CCSER1: variants seen among roughly 807,000 people sequenced by gnomAD.
The protein encoded by CCSER1 is serine-rich coiled-coil domain-containing protein 1.
Under a neutral mutation model 82.0 loss-of-function variants are expected in CCSER1, and 41 were observed. That is an observed-to-expected ratio of 0.50 (90% CI 0.39 to 0.65). CCSER1 has a LOEUF of 0.65. Ranked by LOEUF, CCSER1 falls within the 30% of genes least tolerant of loss-of-function variation. CCSER1 has a pLI of 0.00. For missense variants in CCSER1, 1,119 were observed against 1,064.2 expected, an observed-to-expected ratio of 1.05 and a Z score of -0.72; for synonymous variants, 414 against 383.9, an observed-to-expected ratio of 1.08 and a Z score of -0.92.
At chr4:90,223,749 T>TA (rs1195049906) in intron 1 of CCSER1, among the ~76,000 whole-genome samples, 15 of 152,276 alleles carry the variant, frequency 9.9e-5, no homozygotes, top group Non-Finnish European at 1.2e-4. Flanking sequence ...CAATATAACG[T>TA]AAAAAAAGTC....
At chr4:90,961,670 TTAAG>T (rs1734065465) in intron 9 of CCSER1, among the ~76,000 whole-genome samples, 1 of 152,052 alleles carries the variant, frequency 6.6e-6, no homozygotes, top group African/African-American at 2.4e-5. Context: ...TATTTTAATT[TTAAG>T]TAAGTACATT....
rs2153481118 is a variant in CCSER1, at chr4:90,312,991, G to A, written c.1453G>A (p.Val485Ile). 1 of 1,604,880 alleles carries A rather than the reference G, an allele frequency of 6.2e-7. No homozygotes were observed. The highest frequency in any genetic ancestry group is 2.2e-5 in the East Asian group (1 of 44,654). The change falls in exon 3 of 11, where the codon GTT becomes ATT. Residue 485 changes from valine to isoleucine, a missense_variant. Val to Ile is a conservative substitution (Grantham distance 29, BLOSUM62 3). Transcript: ENST00000509176. ...ACCGAAAGATGGAAATATAGAAGAA[G>A]TTAATAGTTTAAGAAAGCAAAGAGC... ...LKPKDGNIEE[V>I]NSLRKQRAGS...
chr4:91,444,566 C>T (rs903086777), intron 10 of CCSER1, among the ~76,000 whole-genome samples: 6 of 152,022 alleles, frequency 3.9e-5, no homozygotes, highest in African/African-American at 1.2e-4. Context: ...CCTCCTGCCT[C>T]GGCCTCCTGA....
intron 3 of CCSER1, among the ~76,000 whole-genome samples, chr4:90,335,268 T>C (rs541744411): frequency 3.3e-5 from 5 of 152,306 alleles, no homozygotes; most frequent in South Asian, 4.1e-4. Context: ...GGCTTCTTCA[T>C]TGACAGAAAA....
chr4:90,688,311 A>C lies in CCSER1; in HGVS notation c.1933-35603A>C, dbSNP rs138257973. The stretch of plus-strand genomic sequence containing the variant: ...TCTGAATCTTAAAGTGTGTGTGTGC[A>C]CGTGCATGTGTGTGTGCATGCATGT... On this transcript the variant is annotated intron_variant, in intron 6 of 10. Coordinates refer to ENST00000509176, the MANE Select transcript of CCSER1 (RefSeq NM_001145065.2). Among the ~76,000 whole-genome samples the C allele has an allele frequency of 4.4e-3, 673 of 152,198 alleles. 4 individuals are homozygous for C. The highest frequency in any genetic ancestry group is 0.016 in the African/African-American group (647 of 41,546).
At chr4:91,566,462 G>T (rs576853370) in intron 10 of CCSER1, among the ~76,000 whole-genome samples, 3 of 152,228 alleles carry the variant, frequency 2.0e-5, no homozygotes, top group Admixed American at 6.5e-5. Flanking sequence ...CTGTAGGAAT[G>T]ACACTACCTC....
At chr4:91,305,423 T>A (rs1447117841) in intron 10 of CCSER1, among the ~76,000 whole-genome samples, 1 of 152,042 alleles carries the variant, frequency 6.6e-6, no homozygotes, top group African/African-American at 2.4e-5. Flanking sequence ...AAAATATGTA[T>A]CTTTGCATGT....
chr4:90,567,614 T>TTG lies in CCSER1; in HGVS notation c.1725-60410_1725-60409insGT, dbSNP rs199568764. On this transcript the variant is annotated intron_variant, in intron 5 of 10. Transcript: ENST00000509176. ...CAGAAATTTTTTTTTTAATGATTTT[T>TTG]TTTTTTTTTTTGACAAGGTCTTACT... is the stretch of plus-strand genomic sequence containing the variant. Among the ~76,000 whole-genome samples the TTG allele has an allele frequency of 1.1e-3, 159 of 146,108 alleles. 1 individual carries two copies. Among genetic ancestry groups the TTG allele is most frequent in the African/African-American group, 3.9e-3 (144 of 36,968 alleles).
intron 10 of CCSER1, among the ~76,000 whole-genome samples, chr4:91,201,105 T>C (rs1735872160): frequency 6.6e-6 from 1 of 152,088 alleles, no homozygotes; most frequent in African/African-American, 2.4e-5. Flanking sequence ...AATTTCCTCA[T>C]GTGGCTGTTC....
chr4:91,526,007 C>G (rs1760745716), intron 10 of CCSER1, among the ~76,000 whole-genome samples: 2 of 152,154 alleles, frequency 1.3e-5, no homozygotes, highest in Non-Finnish European at 2.9e-5. Flanking sequence ...ATTTACTTTT[C>G]CTATCTTGAA....
chr4:91,110,182 G>T (rs569155094), intron 10 of CCSER1, among the ~76,000 whole-genome samples: 14 of 151,566 alleles, frequency 9.2e-5, no homozygotes, highest in South Asian at 2.1e-4. Context: ...TTATATTCTA[G>T]AAAAATGGAA....
chr4:91,599,332 G>A lies in CCSER1; in HGVS notation c.*275G>A. 1 of 282,874 alleles carries A rather than the reference G, an allele frequency of 3.5e-6. No individual in the cohort carries two copies. Among genetic ancestry groups the A allele is most frequent in the Non-Finnish European group, 6.6e-6 (1 of 152,020 alleles). The allele number at this position is 282,874 out of a possible 1,614,324, so 17.5% of individuals were successfully genotyped here. ...TGGGACCATCATGATCGTTTATATA[G>A]TCCATAATTTATTTATTTTTTATCT... On this transcript the variant is annotated 3_prime_UTR_variant, in exon 11 of 11. Coordinates refer to ENST00000509176, the MANE Select transcript of CCSER1 (RefSeq NM_001145065.2).
intron 4 of CCSER1, among the ~76,000 whole-genome samples, chr4:90,426,301 G>A (rs114410170): frequency 0.014 from 2,195 of 152,196 alleles, 44 homozygotes; most frequent in African/African-American, 0.05. Context: ...TGATTTATTT[G>A]AAGTATTAAT....
At chr4:90,407,469 T>C (rs1159859809) in intron 4 of CCSER1, among the ~76,000 whole-genome samples, 1 of 152,270 alleles carries the variant, frequency 6.6e-6, no homozygotes, top group Non-Finnish European at 1.5e-5. Flanking sequence ...TTCTGAAAGA[T>C]AGAGAAAGAG....
intron 10 of CCSER1, among the ~76,000 whole-genome samples, chr4:91,403,955 AG>A (rs1206819449): frequency 6.6e-6 from 1 of 152,156 alleles, no homozygotes; most frequent in Non-Finnish European, 1.5e-5. Flanking sequence ...TCATTGGAAT[AG>A]TTTCAGAAGG....
chr4:90,500,008 A>G (rs760497533), intron 5 of CCSER1, among the ~76,000 whole-genome samples: 8 of 152,212 alleles, frequency 5.3e-5, no homozygotes, highest in Non-Finnish European at 1.2e-4. Flanking sequence ...GAGAAATTTA[A>G]AAGTACTGCA....
chr4:90,188,839 G>A (rs1164013435), intron 1 of CCSER1, among the ~76,000 whole-genome samples: 3 of 151,940 alleles, frequency 2.0e-5, no homozygotes, highest in Non-Finnish European at 4.4e-5. Context: ...ACTCTTCAAA[G>A]AGAAGTGACC....
chr4:91,103,837 G>A (rs547230589), intron 10 of CCSER1, among the ~76,000 whole-genome samples: 3 of 152,048 alleles, frequency 2.0e-5, no homozygotes, highest in African/African-American at 7.2e-5. Flanking sequence ...CAACCATAAG[G>A]TGTGACTGCC....
chr4:91,218,680 G>A (rs762985680), intron 10 of CCSER1, among the ~76,000 whole-genome samples: 1 of 152,170 alleles, frequency 6.6e-6, no homozygotes, highest in East Asian at 1.9e-4. Context: ...TTTCCCCTTT[G>A]TTGTGAAGAC....
Sources: allele counts gnomAD v4.1 joint callset (sites outside exome capture counted in the v4.1 genomes callset), GRCh38; gene constraint gnomAD v4.1.1; transcripts MANE v1.5; gene names NCBI Gene and HGNC (gene_info 2026-07-23, HGNC 2026-07-21).